POU6F1: variants seen among roughly 807,000 people sequenced by gnomAD.
POU6F1 encodes the protein POU domain, class 6, transcription factor 1.
POU6F1 carries 9 observed loss-of-function variants against 28.9 expected under a neutral mutation model. The ratio of observed to expected loss-of-function variants is 0.31; its 90% confidence interval spans 0.19 to 0.54. The LOEUF (loss-of-function observed/expected upper bound fraction) is 0.54. Among genes scored for constraint, POU6F1 ranks in the 20% least tolerant of loss-of-function variants. POU6F1 has a pLI of 0.94. For synonymous variants in POU6F1, 173 were observed against 171.1 expected, an observed-to-expected ratio of 1.01 and a Z score of -0.09; for missense variants, 338 against 426.1, an observed-to-expected ratio of 0.79 and a Z score of 1.82.
At chr12:51,215,869 G>A (rs1944261541) in intron 1 of POU6F1, among the ~76,000 whole-genome samples, 2 of 152,196 alleles carry the variant, frequency 1.3e-5, no homozygotes, top group Admixed American at 1.3e-4. Flanking sequence ...ATGGGTTATT[G>A]TGAGGATTAA....
At chr12:51,196,662 A>G (rs1201713520) in intron 7 of POU6F1, 137 bp downstream of exon 7, 5 of 1,069,950 alleles carry the variant, frequency 4.7e-6, no homozygotes, top group Non-Finnish European at 6.8e-6. Context: ...ATCGGCAGAA[A>G]GCCGCCGCAG....
At chr12:51,191,302 TG>T (rs1275583217) in intron 10 of POU6F1, among the ~76,000 whole-genome samples, 1 of 152,258 alleles carries the variant, frequency 6.6e-6, no homozygotes, top group East Asian at 1.9e-4. Context: ...TTTTATAAGC[TG>T]TACTCCTTTC....
rs1469183395 is a variant in POU6F1, at chr12:51,188,224, G to A, written c.*2023C>T. 1 of 152,220 alleles carries A rather than the reference G, an allele frequency of 6.6e-6. No individual in the cohort carries two copies. Among genetic ancestry groups the A allele is most frequent in the Non-Finnish European group, 1.5e-5 (1 of 68,048 alleles). 9.4% of individuals were successfully genotyped at this position (152,220 alleles called of 1,614,324 possible). On this transcript the variant is annotated 3_prime_UTR_variant, in exon 11 of 11. Coordinates refer to ENST00000333640, the MANE Select transcript of POU6F1 (RefSeq NM_001330422.2). ...ATTACAGGCATAAGCCAATGTGCCT[G>A]GCCTAATTTACTGAAGTGTCAGTCA...
rs371835039 is a variant in POU6F1, at chr12:51,191,753, G to A, written c.1333C>T (p.Pro445Ser). 4.0e-5 allele frequency: 64 copies of A among 1,614,098 alleles called. No individual in the cohort carries two copies. Among genetic ancestry groups the A allele is most frequent in the Middle Eastern group, 1.6e-4 (1 of 6,084 alleles). Residue 445 changes from proline (P) to serine (S), a missense_variant, in exon 10 of 11, where the codon CCA becomes TCA. Coordinates refer to ENST00000333640, the MANE Select transcript of POU6F1 (RefSeq NM_001330422.2). Reference protein sequence around the residue: ...VSQLVSKPHTPSLDEDGINLE... With the variant: ...VSQLVSKPHTSSLDEDGINLE... ...TTGATCCCATCCTCATCCAGACTTG[G>A]AGTATGTGGCTCTAGGCCAGAGGGA...
rs1942335187 is a variant in POU6F1, at chr12:51,190,560, G to C, written c.1523C>G (p.Ala508Gly). The C allele has an allele frequency of 6.2e-7, 1 of 1,613,926 alleles. No individual in the cohort carries two copies. Among genetic ancestry groups the C allele is most frequent in the Non-Finnish European group, 8.5e-7 (1 of 1,179,994 alleles). Reference protein sequence around the residue: ...FEKLDITPKSAQKLKPVLEKW... With the variant: ...FEKLDITPKSGQKLKPVLEKW... Reference sequence around the variant, plus strand: ...TTCCAGCACCGGCTTTAGCTTCTGGGCACTCTTGGGTGTGATGTCTAGCTT... The same window carrying C: ...TTCCAGCACCGGCTTTAGCTTCTGGCCACTCTTGGGTGTGATGTCTAGCTT... Residue 508 changes from alanine (A) to glycine (G), a missense_variant, in exon 11 of 11, where the codon GCC (alanine) becomes GGC (glycine). Coordinates refer to ENST00000333640, the MANE Select transcript of POU6F1 (RefSeq NM_001330422.2). The surrounding 1 kb of genome is among the most constrained non-coding windows in gnomAD (Gnocchi z 4.5).
At chr12:51,216,244 G>A (rs1944280842) in intron 1 of POU6F1, among the ~76,000 whole-genome samples, 1 of 152,134 alleles carries the variant, frequency 6.6e-6, no homozygotes, top group South Asian at 2.1e-4. Context: ...TAAATCTTGG[G>A]GACAAGAATA....
At chr12:51,195,347 A>C (rs1267195129) in intron 8 of POU6F1, among the ~76,000 whole-genome samples, 1 of 152,068 alleles carries the variant, frequency 6.6e-6, no homozygotes, top group Admixed American at 6.6e-5. Flanking sequence ...AGTCTTGCCT[A>C]ACCCCCAAGT....
intron 8 of POU6F1, among the ~76,000 whole-genome samples, chr12:51,195,089 A>C (rs917687662): frequency 1.3e-5 from 2 of 152,198 alleles, no homozygotes; most frequent in Non-Finnish European, 2.9e-5. Context: ...TACTTGTTGC[A>C]GTTCCCTGAA....
chr12:51,211,182 C>A (rs1943962177), intron 1 of POU6F1, among the ~76,000 whole-genome samples: 1 of 152,184 alleles, frequency 6.6e-6, no homozygotes, highest in Non-Finnish European at 1.5e-5. Context: ...AGCCTGAAGG[C>A]CAGGGAGGAG....
intron 1 of POU6F1, among the ~76,000 whole-genome samples, chr12:51,210,999 C>T (rs997188103): frequency 6.6e-6 from 1 of 152,256 alleles, no homozygotes; most frequent in Non-Finnish European, 1.5e-5. Flanking sequence ...TCTGGACCTG[C>T]TGCCATCTCC....
At chr12:51,214,451 TG>T (rs1249467811) in intron 1 of POU6F1, among the ~76,000 whole-genome samples, 1 of 152,116 alleles carries the variant, frequency 6.6e-6, no homozygotes, top group African/African-American at 2.4e-5. Context: ...GTAAGGCTGA[TG>T]GGGACTGCTC....
At chr12:51,200,656 G>A (rs1943150628) in intron 3 of POU6F1, among the ~76,000 whole-genome samples, 1 of 152,094 alleles carries the variant, frequency 6.6e-6, no homozygotes, top group African/African-American at 2.4e-5. Context: ...TTGAGTGATG[G>A]ATATAGGACC....
In POU6F1 at chr12:51,218,027, T is replaced by C. The variant is rs1368231753; in HGVS notation, c.-433A>G. On this transcript the variant is annotated 5_prime_UTR_variant, in exon 1 of 11. Transcript: ENST00000333640. ...TTTTTCCCTCCTTCTGCTACTTGGA[T>C]TTTTTTAGCTGCTGCGTCATGAGCA... 6.6e-6 allele frequency among the ~76,000 whole-genome samples: 1 copy of C among 151,430 alleles called. No individual in the cohort carries two copies. The highest frequency in any genetic ancestry group is 2.4e-5 in the African/African-American group (1 of 41,288).
At position 51,191,735 on chromosome 12, in the gene POU6F1, C is replaced by T; in HGVS notation, c.1351G>A (p.Gly451Arg). The change falls in exon 10 of 11, where the codon GGG (glycine) becomes AGG (arginine). Residue 451 changes from glycine to arginine, a missense_variant. Coordinates refer to ENST00000333640, the MANE Select transcript of POU6F1 (RefSeq NM_001330422.2). ...KPHTPSLDED[G>R]INLEEIREFA... ...TCCCGGATCTCTTCTAAGTTGATCC[C>T]ATCCTCATCCAGACTTGGAGTATGT... 1 of 1,614,210 alleles carries T rather than the reference C, an allele frequency of 6.2e-7. No individual in the cohort carries two copies.
chr12:51,197,023 G>C (rs558616365), intron 6 of POU6F1, 96 bp from the exon 7 acceptor site: 59 of 671,180 alleles, frequency 8.8e-5, no homozygotes, highest in South Asian at 2.4e-4. Context: ...GGGTAGATGT[G>C]AATGTGGGCT....
chr12:51,213,693 T>G (rs932715912), intron 1 of POU6F1, among the ~76,000 whole-genome samples: 2 of 151,728 alleles, frequency 1.3e-5, no homozygotes, highest in Non-Finnish European at 2.9e-5. Flanking sequence ...ACCACCTTGC[T>G]CAGCTAATTT....
chr12:51,209,073 T>TTG (rs1424114971), intron 1 of POU6F1, among the ~76,000 whole-genome samples: 1 of 152,206 alleles, frequency 6.6e-6, no homozygotes, highest in Admixed American at 6.5e-5. Context: ...TAAATTTCTG[T>TTG]TGTTTAAAAG....
At chr12:51,209,919 A>G (rs1157300104) in intron 1 of POU6F1, among the ~76,000 whole-genome samples, 3 of 152,102 alleles carry the variant, frequency 2.0e-5, no homozygotes, top group African/African-American at 7.2e-5. Flanking sequence ...AACTACCTCA[A>G]TGGGGCTCTA....
chr12:51,204,525 C>A (rs759982173), intron 2 of POU6F1, among the ~76,000 whole-genome samples, 157 bp from the exon 3 acceptor site: 2 of 152,100 alleles, frequency 1.3e-5, no homozygotes, highest in Non-Finnish European at 2.9e-5. Context: ...CAGAGCCTGG[C>A]GCAGGTTGCA....
Sources: allele counts gnomAD v4.1 joint callset (sites outside exome capture counted in the v4.1 genomes callset), GRCh38; gene constraint gnomAD v4.1.1; non-coding constraint Gnocchi (gnomAD v3.1); transcripts MANE v1.5; gene names NCBI Gene and HGNC (gene_info 2026-07-23, HGNC 2026-07-21).